Variants in ZBTB7C observed in about 807,000 individuals in gnomAD.
ZBTB7C encodes the protein zinc finger and BTB domain-containing protein 7C.
Under a neutral mutation model 25.7 loss-of-function variants are expected in ZBTB7C, and 8 were observed. The observed-to-expected ratio is 0.31, with a 90% CI of 0.18 to 0.56. The LOEUF (loss-of-function observed/expected upper bound fraction) is 0.56. Among genes scored for constraint, ZBTB7C ranks in the 20% least tolerant of loss-of-function variants. ZBTB7C has a pLI of 0.91. For synonymous variants in ZBTB7C, 394 were observed against 369.0 expected (o/e 1.07, Z -0.78); for missense variants, 824 against 855.2 (o/e 0.96, Z 0.46).
intron 1 of ZBTB7C, among the ~76,000 whole-genome samples, chr18:48,362,635 C>A (rs987147896): frequency 1.3e-5 from 2 of 152,182 alleles, no homozygotes; most frequent in African/African-American, 4.8e-5. Context: ...TTATAGCAGC[C>A]TAAACTGGCA....
chr18:48,241,842 G>T (rs187416269), intron 2 of ZBTB7C, among the ~76,000 whole-genome samples: 32 of 151,876 alleles, frequency 2.1e-4, no homozygotes, highest in Admixed American at 2.0e-3. Flanking sequence ...CAGAAGAAAA[G>T]AAATAACCAA....
At chr18:48,308,826 C>T (rs186392381) in intron 2 of ZBTB7C, among the ~76,000 whole-genome samples, 16 of 152,310 alleles carry the variant, frequency 1.1e-4, no homozygotes, top group African/African-American at 3.8e-4. Context: ...CGAGCCCCAT[C>T]CCAGACCTCC....
chr18:48,253,555 A>G (rs1047014223), intron 2 of ZBTB7C, among the ~76,000 whole-genome samples: 1 of 152,208 alleles, frequency 6.6e-6, no homozygotes, highest in Non-Finnish European at 1.5e-5. Flanking sequence ...AGGCACTAGC[A>G]TTCTTCCTGA....
At chr18:48,267,414 T>C (rs2144550269) in intron 2 of ZBTB7C, among the ~76,000 whole-genome samples, 1 of 152,340 alleles carries the variant, frequency 6.6e-6, no homozygotes, top group South Asian at 2.1e-4. Flanking sequence ...AGCTGGAGTT[T>C]GCACAAAGGG....
chr18:48,258,793 G>C (rs566829844), intron 2 of ZBTB7C, among the ~76,000 whole-genome samples: 14,420 of 151,916 alleles, frequency 0.095, 1,099 homozygotes, highest in African/African-American at 0.2. Context: ...TGAGTAACTG[G>C]GATTACAGGC....
chr18:48,060,391 A>G (rs1462129100), intron 3 of ZBTB7C, among the ~76,000 whole-genome samples: 1 of 151,868 alleles, frequency 6.6e-6, no homozygotes, highest in East Asian at 1.9e-4. Flanking sequence ...TAGCTCCCAA[A>G]CCTTGGCTGA....
rs371605937 is a variant in ZBTB7C, at chr18:48,341,923, C to T, written c.-303-3525G>A. Reference sequence around the variant, plus strand: ...GGGCCTCCCTCCAAGGCCTCACTCTCGTTCCACAGACTGGGGAATGCATGA... The same window carrying T: ...GGGCCTCCCTCCAAGGCCTCACTCTTGTTCCACAGACTGGGGAATGCATGA... On this transcript the variant is annotated intron_variant, in intron 1 of 4. Transcript: ENST00000590800. Among the ~76,000 whole-genome samples the T allele has an allele frequency of 3.8e-4, 58 of 152,302 alleles. No individual in the cohort carries two copies. The East Asian group carries it at 8.1e-3, about 21-fold the overall frequency.
chr18:48,254,840 A>G (rs2043978143), intron 2 of ZBTB7C, among the ~76,000 whole-genome samples: 1 of 152,198 alleles, frequency 6.6e-6, no homozygotes, highest in Non-Finnish European at 1.5e-5. Flanking sequence ...GCAATCCAGT[A>G]TCTCAGTGTA....
intron 3 of ZBTB7C, among the ~76,000 whole-genome samples, chr18:48,072,988 A>G (rs1182250852): frequency 6.6e-6 from 1 of 152,176 alleles, no homozygotes; most frequent in Non-Finnish European, 1.5e-5. Context: ...AGGGAAGTTT[A>G]TAAGAGGAAA....
At chr18:48,372,348 T>G (rs2047407341) in intron 1 of ZBTB7C, among the ~76,000 whole-genome samples, 1 of 152,234 alleles carries the variant, frequency 6.6e-6, no homozygotes, top group Non-Finnish European at 1.5e-5. Flanking sequence ...CAAGTGTGCA[T>G]GTGCCTCCTG....
chr18:48,083,780 A>G, intron 3 of ZBTB7C: 11 of 961,746 alleles, frequency 1.1e-5, no homozygotes, highest in Non-Finnish European at 1.4e-5. Context: ...CTGGGTAAGG[A>G]AACTCCTTTG....
At chr18:48,274,585 C>T (rs891536453) in intron 2 of ZBTB7C, among the ~76,000 whole-genome samples, 3 of 152,336 alleles carry the variant, frequency 2.0e-5, no homozygotes, top group Admixed American at 6.5e-5. Flanking sequence ...CATTGATCCA[C>T]ACAGTAGCTC....
chr18:48,387,829 GT>G (rs200919136), intron 1 of ZBTB7C, among the ~76,000 whole-genome samples: 2,115 of 65,114 alleles, frequency 0.032, 45 homozygotes, highest in African/African-American at 0.1. Flanking sequence ...GTTTGGTTTG[GT>G]TTGTTGTTGT....
chr18:48,117,298 C>T lies in ZBTB7C; in HGVS notation c.-17+68636G>A, dbSNP rs547525723. Reference sequence around the variant, plus strand: ...GGCAGGATAGACTAGAATCTACAGCCGAGGTGGGCAGATGGGAGTTAATGG... The same window carrying T: ...GGCAGGATAGACTAGAATCTACAGCTGAGGTGGGCAGATGGGAGTTAATGG... On this transcript the variant is annotated intron_variant, in intron 3 of 4. Transcript: ENST00000590800. 3.3e-5 allele frequency among the ~76,000 whole-genome samples: 5 copies of T among 152,228 alleles called. No individual in the cohort carries two copies. The South Asian group carries it at 6.2e-4, about 19-fold the overall frequency.
At chr18:48,058,834 T>C (rs1334616472) in intron 3 of ZBTB7C, among the ~76,000 whole-genome samples, 1 of 152,222 alleles carries the variant, frequency 6.6e-6, no homozygotes, top group Non-Finnish European at 1.5e-5. Flanking sequence ...CATTGTCATC[T>C]TGAGAGATAG....
chr18:48,211,615 T>C (rs186836835), intron 2 of ZBTB7C, among the ~76,000 whole-genome samples: 10 of 152,230 alleles, frequency 6.6e-5, no homozygotes, highest in African/African-American at 2.2e-4. Flanking sequence ...CATTAAGGAA[T>C]TGCAAATTAA....
intron 2 of ZBTB7C, among the ~76,000 whole-genome samples, chr18:48,246,307 G>T (rs1165739091): frequency 6.6e-6 from 1 of 152,050 alleles, no homozygotes; most frequent in Non-Finnish European, 1.5e-5. Context: ...GCGGGTGCCT[G>T]TAGTCCCAGC....
intron 2 of ZBTB7C, among the ~76,000 whole-genome samples, chr18:48,224,613 T>C (rs1387575604): frequency 6.6e-6 from 1 of 152,128 alleles, no homozygotes; most frequent in Non-Finnish European, 1.5e-5. Context: ...GTTCCAGTAC[T>C]GGGTGCTGAT....
At chr18:48,245,079 A>G (rs1484372959) in intron 2 of ZBTB7C, among the ~76,000 whole-genome samples, 3 of 66,292 alleles carry the variant, frequency 4.5e-5, no homozygotes, top group African/African-American at 1.8e-4. Context: ...AAAAAAAAGT[A>G]GTGTGTGTGT....
Sources: allele counts gnomAD v4.1 joint callset (sites outside exome capture counted in the v4.1 genomes callset), GRCh38; gene constraint gnomAD v4.1.1; transcripts MANE v1.5; gene names NCBI Gene and HGNC (gene_info 2026-07-23, HGNC 2026-07-21).